Variants in ZNF704 observed in about 807,000 individuals in gnomAD.
ZNF704 encodes the protein glucocorticoid induced gene 1.
In ZNF704, 10 loss-of-function variants were observed where a neutral mutation model predicts 44.7. The ratio of observed to expected loss-of-function variants is 0.22; its 90% confidence interval spans 0.14 to 0.38. The LOEUF is 0.38. ZNF704 is among the 10% of genes least tolerant of loss of function. ZNF704 has a pLI of 1.00. For missense variants in ZNF704, 390 were observed against 545.5 expected (o/e 0.71, Z 2.84); for synonymous variants, 211 against 207.6 (o/e 1.02, Z -0.14).
intron 2 of ZNF704, among the ~76,000 whole-genome samples, chr8:80,798,723 A>G (rs1158878095): frequency 6.6e-6 from 1 of 152,062 alleles, no homozygotes; most frequent in East Asian, 1.9e-4. Flanking sequence ...CTCAGTTCCA[A>G]AGCTGCTTCC....
In ZNF704 at chr8:80,677,491, A is replaced by C. The variant is rs141002445; in HGVS notation, c.559-6888T>G. 4.1e-4 allele frequency among the ~76,000 whole-genome samples: 62 copies of C among 152,268 alleles called. No homozygotes were observed. The East Asian group carries it at 0.011, about 27-fold the overall frequency. ...AGGAAGCTGACCATTATCCTCTGTC[A>C]AGTCACTTGGAATTAGGATAACTAC... On this transcript the variant is annotated intron_variant, in intron 4 of 8. Transcript: ENST00000327835.
chr8:80,845,963 G>A (rs911789563), intron 1 of ZNF704, among the ~76,000 whole-genome samples: 6 of 152,008 alleles, frequency 3.9e-5, no homozygotes, highest in African/African-American at 1.4e-4. Flanking sequence ...TTAATTCCTA[G>A]TAATATTAAA....
chr8:80,833,470 T>C (rs927342220), intron 1 of ZNF704, among the ~76,000 whole-genome samples: 1 of 152,220 alleles, frequency 6.6e-6, no homozygotes, highest in South Asian at 2.1e-4. Flanking sequence ...TTATTTTAAA[T>C]TACATTCTTC....
intron 7 of ZNF704, among the ~76,000 whole-genome samples, chr8:80,655,388 G>A (rs1817998874): frequency 6.6e-6 from 1 of 150,602 alleles, no homozygotes; most frequent in Non-Finnish European, 1.5e-5. Flanking sequence ...AAAAAAAAAA[G>A]AATTTTAAAT....
At chr8:80,872,351 GC>G (rs1809267063) in intron 1 of ZNF704, among the ~76,000 whole-genome samples, 1 of 152,134 alleles carries the variant, frequency 6.6e-6, no homozygotes, top group Non-Finnish European at 1.5e-5. Flanking sequence ...ATAAATTTCT[GC>G]CCACATCTAC....
At chr8:80,802,113 A>G (rs1415218740) in intron 2 of ZNF704, among the ~76,000 whole-genome samples, 1 of 151,514 alleles carries the variant, frequency 6.6e-6, no homozygotes, top group Admixed American at 6.6e-5. Context: ...CACCCTCCCA[A>G]GATGGAACCA....
In ZNF704 at chr8:80,725,343, T is replaced by C. The variant is rs896217953; in HGVS notation, c.222-32236A>G. On this transcript the variant is annotated intron_variant, in intron 2 of 8. Transcript: ENST00000327835. ...AAAATTTTTGTATAAGTATATCCCA[T>C]ACAATATTGGAACATAAACAATGAC... 5.3e-5 allele frequency among the ~76,000 whole-genome samples: 8 copies of C among 152,214 alleles called. No individual in the cohort carries two copies. In the East Asian group the frequency reaches 1.3e-3, roughly 26 times the overall value.
intron 2 of ZNF704, among the ~76,000 whole-genome samples, chr8:80,798,795 C>A (rs1018719081): frequency 2.6e-5 from 4 of 152,172 alleles, no homozygotes; most frequent in African/African-American, 4.8e-5. Flanking sequence ...TGTCTTAGAC[C>A]ATTTTCTGTT....
chr8:80,667,744 A>G (rs1416337913), intron 5 of ZNF704, among the ~76,000 whole-genome samples: 1 of 152,226 alleles, frequency 6.6e-6, no homozygotes, highest in Non-Finnish European at 1.5e-5. Context: ...AGTGATTAAG[A>G]GAATGGATTC....
intron 2 of ZNF704, among the ~76,000 whole-genome samples, chr8:80,704,793 C>T (rs940850520): frequency 1.3e-5 from 2 of 152,222 alleles, no homozygotes; most frequent in Non-Finnish European, 2.9e-5. Flanking sequence ...CTGTGCCCTA[C>T]ACATCTCCTC....
At chr8:80,859,653 AC>A (rs1168900417) in intron 1 of ZNF704, among the ~76,000 whole-genome samples, 1 of 151,858 alleles carries the variant, frequency 6.6e-6, no homozygotes, top group Admixed American at 6.6e-5. Context: ...AACCTGAGAG[AC>A]CCTTATTTTT....
chr8:80,738,151 A>G lies in ZNF704; in HGVS notation c.222-45044T>C, dbSNP rs723549. Among the ~76,000 whole-genome samples the G allele has an allele frequency of 1.5e-3, 222 of 152,272 alleles. 1 individual carries two copies. The highest frequency in any genetic ancestry group is 4.8e-3 in the South Asian group (23 of 4,828). On this transcript the variant is annotated intron_variant, in intron 2 of 8. Transcript: ENST00000327835. ...AAAGATGAAGTGCCCTTTTCATCAT[A>G]CCATTTCAGGAGGTACATTCTCTCT...
intron 2 of ZNF704, among the ~76,000 whole-genome samples, chr8:80,719,779 G>A (rs1373703101): frequency 1.3e-5 from 2 of 152,206 alleles, no homozygotes; most frequent in African/African-American, 4.8e-5. Context: ...GCAGCTGGCA[G>A]AAGCAAGTTA....
At chr8:80,862,764 CAAAA>C (rs71266094) in intron 1 of ZNF704, among the ~76,000 whole-genome samples, 10 of 13,096 alleles carry the variant, frequency 7.6e-4, no homozygotes, top group Admixed American at 3.4e-3. Flanking sequence ...GACTCCGTCT[CAAAA>C]AAAAAAAAAA....
intron 1 of ZNF704, among the ~76,000 whole-genome samples, chr8:80,822,807 G>A (rs1427801133): frequency 6.6e-6 from 1 of 152,202 alleles, no homozygotes; most frequent in Non-Finnish European, 1.5e-5. Context: ...GTGATGATGA[G>A]CATTTTTTCA....
intron 2 of ZNF704, among the ~76,000 whole-genome samples, chr8:80,798,991 C>T (rs1473728364): frequency 1.3e-5 from 2 of 152,142 alleles, no homozygotes; most frequent in East Asian, 1.9e-4. Context: ...TCTGAGTGTG[C>T]TAGATCAGGT....
At chr8:80,857,369 A>G (rs561193744) in intron 1 of ZNF704, among the ~76,000 whole-genome samples, 1 of 152,292 alleles carries the variant, frequency 6.6e-6, no homozygotes, top group African/African-American at 2.4e-5. Flanking sequence ...TCCTATACAT[A>G]TACTTTATCA....
intron 4 of ZNF704, among the ~76,000 whole-genome samples, chr8:80,671,001 A>G (rs1390904237): frequency 6.6e-6 from 1 of 152,236 alleles, no homozygotes; most frequent in Non-Finnish European, 1.5e-5. Flanking sequence ...AGAAAGCTCC[A>G]TAAAAAGTGT....
intron 2 of ZNF704, among the ~76,000 whole-genome samples, chr8:80,805,107 G>A (rs1266310812): frequency 6.6e-6 from 1 of 152,086 alleles, no homozygotes; most frequent in Non-Finnish European, 1.5e-5. Flanking sequence ...AGTAGGCAAG[G>A]ACTAGGTACA....
Sources: allele counts gnomAD v4.1 joint callset (sites outside exome capture counted in the v4.1 genomes callset), GRCh38; gene constraint gnomAD v4.1.1; transcripts MANE v1.5; gene names NCBI Gene and HGNC (gene_info 2026-07-23, HGNC 2026-07-21).